MTCH2: variants seen among roughly 807,000 people sequenced by gnomAD.
The protein encoded by MTCH2 is mitochondrial carrier 2, also known as mitochondrial carrier homolog 2.
A neutral mutation model predicts 50.6 loss-of-function variants in MTCH2; 25 were observed. The ratio of observed to expected loss-of-function variants is 0.49; its 90% CI spans 0.36 to 0.69. The LOEUF (loss-of-function observed/expected upper bound fraction) is 0.69. MTCH2 is among the 30% of genes least tolerant of loss of function. MTCH2 has a pLI of 0.00. For missense variants in MTCH2, 273 were observed against 384.4 expected (o/e 0.71, Z 2.42); for synonymous variants, 106 against 132.0 (o/e 0.80, Z 1.35).
intron 10 of MTCH2, among the ~76,000 whole-genome samples, chr11:47,626,212 A>C (rs1036517619): frequency 1.3e-5 from 2 of 151,758 alleles, no homozygotes; most frequent in Admixed American, 6.6e-5. Context: ...ATGCCCAGCT[A>C]ATTTTGTAGT....
At chr11:47,634,544 A>C (rs1214424317) in intron 5 of MTCH2, 128 bp downstream of exon 5, 1 of 673,236 alleles carries the variant, frequency 1.5e-6, no homozygotes, top group Non-Finnish European at 2.5e-6. Flanking sequence ...TAAAGCCCAA[A>C]TTAATTTGAA....
chr11:47,635,692 T>C, intron 3 of MTCH2, 121 bp from the exon 4 acceptor site: 1 of 926,398 alleles, frequency 1.1e-6, no homozygotes, highest in Non-Finnish European at 1.6e-6. Context: ...AGTTTTTGTT[T>C]TTTTTTTTAA....
the MTCH2 span, among the ~76,000 whole-genome samples, chr11:47,611,118 C>A: frequency 1.3e-5 from 2 of 152,326 alleles, no homozygotes; most frequent in African/African-American, 4.8e-5. Context: ...ATTCTGCCTC[C>A]CTGTCAGTGG....
At chr11:47,606,022 G>A in the MTCH2 span, among the ~76,000 whole-genome samples, 1 of 152,044 alleles carries the variant, frequency 6.6e-6, no homozygotes, top group African/African-American at 2.4e-5. Flanking sequence ...TTTTTGTCAG[G>A]GTATTTGCAG....
intron 4 of MTCH2, among the ~76,000 whole-genome samples, 187 bp from the exon 5 acceptor site, chr11:47,634,921 C>T (rs1323903918): frequency 9.9e-5 from 15 of 151,774 alleles, no homozygotes; most frequent in Non-Finnish European, 1.9e-4. Flanking sequence ...TACAGGTGCT[C>T]GCCACCACGC....
At chr11:47,627,919 G>A (rs1016674951) in intron 9 of MTCH2, among the ~76,000 whole-genome samples, 1 of 152,150 alleles carries the variant, frequency 6.6e-6, no homozygotes, top group Admixed American at 6.6e-5. Context: ...AGGGACGAAT[G>A]TAAAAGGATT....
At chr11:47,615,084 T>C (rs1427540635), downstream of MTCH2, among the ~76,000 whole-genome samples, 1 of 116,162 alleles carries the variant, frequency 8.6e-6, no homozygotes, top group African/African-American at 3.4e-5. Context: ...ACACCTAGGC[T>C]GGAGTGCAGT....
At chr11:47,627,406 T>C (rs761760739) in intron 9 of MTCH2, among the ~76,000 whole-genome samples, 16 of 151,896 alleles carry the variant, frequency 1.1e-4, no homozygotes, top group Non-Finnish European at 8.8e-5. Flanking sequence ...TCCTCCCACC[T>C]TGACCTCTCA....
At chr11:47,616,044 C>A (rs112182667), downstream of MTCH2, among the ~76,000 whole-genome samples, 292 of 152,172 alleles carry the variant, frequency 1.9e-3, 1 homozygote, top group Middle Eastern at 0.014. Flanking sequence ...CCGCAACCTC[C>A]GCTTCCTGGG....
chr11:47,615,285 AAT>A (rs2097287731), downstream of MTCH2, among the ~76,000 whole-genome samples: 1 of 152,128 alleles, frequency 6.6e-6, no homozygotes, highest in Non-Finnish European at 1.5e-5. Context: ...TAAAGGACTA[AAT>A]ATATATTTTT....
At chr11:47,635,012 C>T (rs528136231) in intron 4 of MTCH2, among the ~76,000 whole-genome samples, 1 of 151,800 alleles carries the variant, frequency 6.6e-6, no homozygotes, top group Non-Finnish European at 1.5e-5. Flanking sequence ...ACCTCGTGAT[C>T]TCCACCTGCC....
chr11:47,612,174 GAGGCCTAGGT>G, the MTCH2 span, among the ~76,000 whole-genome samples: 1 of 152,206 alleles, frequency 6.6e-6, no homozygotes, highest in Non-Finnish European at 1.5e-5. Context: ...AGCACTCTGG[GAGGCCTAGGT>G]AGGCAGATGG....
Position 47,638,800 on chromosome 11 carries a change from G to A in MTCH2, c.178C>T (p.His60Tyr). Residue 60 changes from histidine (H) to tyrosine (Y), a missense_variant, in exon 3 of 13, where the codon CAC (histidine) becomes TAC (tyrosine). Transcript: ENST00000302503. The stretch of plus-strand genomic sequence containing the variant: ...CGCCTCCCATCGATACTGGCAATGT[G>A]CTGAGCTAAGAACACAAGTCAGAGA... ...QLPGLFSYAQ[H>Y]IASIDGRRGL... 6.8e-7 allele frequency: 1 copy of A among 1,478,408 alleles called. No individual in the cohort carries two copies. 91.6% of individuals were successfully genotyped at this position (1,478,408 alleles called of 1,614,324 possible). A position where few individuals can be genotyped will look rare whatever the true frequency, so the allele number is the denominator to read the frequency against.
chr11:47,613,477 G>T (rs989983696), downstream of MTCH2, among the ~76,000 whole-genome samples: 1 of 152,164 alleles, frequency 6.6e-6, no homozygotes, highest in African/African-American at 2.4e-5. Flanking sequence ...CTGACACATA[G>T]ATCAGTTTCA....
Position 47,631,827 on chromosome 11 carries a change from C to T in MTCH2, c.370-116G>A, listed in dbSNP as rs570376859. ...ATAAGAAAGTGAATGACACAGCCCT[C>T]CTGCCCTGGCTGGAGTCAAGAAGAG... On this transcript the variant is annotated intron_variant, in intron 5 of 12. Transcript: ENST00000302503. 8.9e-6 allele frequency: 9 copies of T among 1,005,952 alleles called. No individual in the cohort carries two copies. In the Admixed American group the frequency reaches 1.6e-4, roughly 18 times the overall value. 62.3% of individuals were successfully genotyped at this position (1,005,952 alleles called of 1,614,324 possible). A position where few individuals can be genotyped will look rare whatever the true frequency, so the allele number is the denominator to read the frequency against.
rs138490610 is a variant in MTCH2 at position 47,622,729 on chromosome 11, A to G, written c.797T>C (p.Ile266Thr). The G allele has an allele frequency of 4.3e-6, 7 of 1,610,800 alleles. No individual in the cohort carries two copies. The highest frequency in any genetic ancestry group is 5.9e-6 in the Non-Finnish European group (7 of 1,178,112). ...PPYSPIYTSW[I>T]DCWCMLQKEG... ...TTTTTGTAGCATGCACCAACAGTCT[A>G]TCCAAGACGTATATATTGGGGAGTA... is the stretch of plus-strand genomic sequence containing the variant. The change falls in exon 12 of 13, where the codon ATA (isoleucine) becomes ACA (threonine). Residue 266 changes from isoleucine (I) to threonine (T), a missense_variant. Physicochemically the swap from Ile to Thr is moderately conservative, Grantham distance 89. Transcript: ENST00000302503.
At chr11:47,615,654 C>T (rs1565958272), downstream of MTCH2, among the ~76,000 whole-genome samples, 2 of 147,946 alleles carry the variant, frequency 1.4e-5, no homozygotes, top group African/African-American at 2.5e-5. Context: ...TTTTTTGAGA[C>T]AGAGTTTCAC....
rs149549477 is a variant in MTCH2 at position 47,634,993 on chromosome 11, G to C, written c.307-259C>G. ...TCACCGTGTTAGCCAGGATGGTCTC[G>C]ATTTCCTGACCTCGTGATCTCCACC... On this transcript the variant is annotated intron_variant, in intron 4 of 12. Coordinates refer to ENST00000302503, the MANE Select transcript of MTCH2 (RefSeq NM_014342.4). 4.9e-3 allele frequency among the ~76,000 whole-genome samples: 745 copies of C among 151,774 alleles called. 8 individuals carry two copies. Among genetic ancestry groups the C allele is most frequent in the African/African-American group, 0.017 (723 of 41,390 alleles).
At chr11:47,608,228 G>A in the MTCH2 span, among the ~76,000 whole-genome samples, 1 of 152,206 alleles carries the variant, frequency 6.6e-6, no homozygotes, top group Non-Finnish European at 1.5e-5. Context: ...TTACTAGGTG[G>A]TAGGAACATT....
Sources: allele counts gnomAD v4.1 joint callset (sites outside exome capture counted in the v4.1 genomes callset), GRCh38; gene constraint gnomAD v4.1.1; transcripts MANE v1.5; gene names NCBI Gene and HGNC (gene_info 2026-07-23, HGNC 2026-07-21).